The following DGKI variants were observed in gnomAD, a reference collection of about 807,000 sequenced individuals.
The protein encoded by DGKI is DAG kinase iota.
In DGKI, 55 loss-of-function variants were observed where a neutral mutation model predicts 147.5. The observed-to-expected ratio is 0.37, with a 90% CI of 0.30 to 0.47. DGKI has a LOEUF of 0.47. Ranked by LOEUF, DGKI falls within the 20% of genes least tolerant of loss-of-function variation. DGKI has a pLI of 1.00. For synonymous variants in DGKI, 469 were observed against 477.1 expected (o/e 0.98, Z 0.22); for missense variants, 1,007 against 1,323.8 (o/e 0.76, Z 3.71).
chr7:137,587,091 T>G lies in DGKI; in HGVS notation c.1425+6A>C. On this transcript the variant is annotated splice_donor_region_variant and intron_variant, in intron 13 of 32. Transcript: ENST00000614521. ...GATATGGGCAGTCCCCGAGAGCAGT[T>G]CTTACCCCTCCCCAGTTGAGAGTTC... 2 of 1,588,752 alleles carry G rather than the reference T, an allele frequency of 1.3e-6. No individual in the cohort carries two copies. Among genetic ancestry groups the G allele is most frequent in the Non-Finnish European group, 1.7e-6 (2 of 1,170,742 alleles).
At chr7:137,438,938 C>A (rs965742957) in intron 28 of DGKI, among the ~76,000 whole-genome samples, 9 of 152,010 alleles carry the variant, frequency 5.9e-5, no homozygotes, top group Admixed American at 6.6e-5. Context: ...ATCCACGTAT[C>A]CATTCATATG....
At chr7:137,715,495 GAAAGTCTCTTA>G (rs747392523) in intron 1 of DGKI, among the ~76,000 whole-genome samples, 2 of 152,186 alleles carry the variant, frequency 1.3e-5, no homozygotes, top group African/African-American at 4.8e-5. Flanking sequence ...CTCCTATTTT[GAAAGTCTCTTA>G]AAGTCCAGAA....
At chr7:137,682,632 C>T (rs998789984) in intron 2 of DGKI, among the ~76,000 whole-genome samples, 2 of 152,188 alleles carry the variant, frequency 1.3e-5, no homozygotes, top group African/African-American at 4.8e-5. Flanking sequence ...AGACTGCTAG[C>T]CAGTCCTCAA....
chr7:137,570,593 ATTT>A (rs199646642), intron 19 of DGKI, among the ~76,000 whole-genome samples: 4 of 143,290 alleles, frequency 2.8e-5, no homozygotes, highest in African/African-American at 2.5e-5. Flanking sequence ...CTATAGTGTA[ATTT>A]TTTTTTTTTT....
At chr7:137,844,141 C>A (rs889772388) in intron 1 of DGKI, among the ~76,000 whole-genome samples, 4 of 152,180 alleles carry the variant, frequency 2.6e-5, no homozygotes, top group Non-Finnish European at 2.9e-5. Flanking sequence ...AAACAGCCAG[C>A]CCTGCTGCAG....
intron 28 of DGKI, among the ~76,000 whole-genome samples, chr7:137,414,611 A>C (rs1277730174): frequency 6.6e-6 from 1 of 151,914 alleles, no homozygotes; most frequent in Non-Finnish European, 1.5e-5. Flanking sequence ...TGGAGTTTAA[A>C]GTAACTTAAT....
At chr7:137,774,493 C>T (rs1796303606) in intron 1 of DGKI, 1 of 152,078 alleles carries the variant, frequency 6.6e-6, no homozygotes, top group South Asian at 2.1e-4. Flanking sequence ...ATAATAAAGT[C>T]GCATCCGCTA....
chr7:137,687,843 C>G (rs1487261681), intron 2 of DGKI, among the ~76,000 whole-genome samples: 1 of 152,158 alleles, frequency 6.6e-6, no homozygotes, highest in Non-Finnish European at 1.5e-5. Flanking sequence ...TCATGCCATA[C>G]TTTCAACAGA....
intron 19 of DGKI, among the ~76,000 whole-genome samples, chr7:137,562,370 T>C (rs1818445528): frequency 6.6e-6 from 1 of 152,202 alleles, no homozygotes; most frequent in Non-Finnish European, 1.5e-5. Context: ...ACCTCGCCTC[T>C]ACTAAAAATA....
At chr7:137,479,587 C>G (rs1449500574) in intron 23 of DGKI, among the ~76,000 whole-genome samples, 1 of 152,200 alleles carries the variant, frequency 6.6e-6, no homozygotes, top group Non-Finnish European at 1.5e-5. Flanking sequence ...GCAGCCCCAT[C>G]ACACACTAGT....
At chr7:137,708,409 T>C (rs1585394413) in intron 1 of DGKI, among the ~76,000 whole-genome samples, 1 of 152,336 alleles carries the variant, frequency 6.6e-6, no homozygotes, top group Non-Finnish European at 1.5e-5. Context: ...GAGGAATAAT[T>C]TTCTGATCTC....
At chr7:137,544,951 T>C (rs545331004) in intron 20 of DGKI, among the ~76,000 whole-genome samples, 3 of 152,318 alleles carry the variant, frequency 2.0e-5, no homozygotes, top group East Asian at 3.9e-4. Flanking sequence ...GAAGAATTCT[T>C]TGGAAAGGTA....
chr7:137,711,278 C>G (rs752214346), intron 1 of DGKI, among the ~76,000 whole-genome samples: 3 of 152,066 alleles, frequency 2.0e-5, no homozygotes, highest in Non-Finnish European at 4.4e-5. Context: ...CTGGTATATA[C>G]ACACAAGATG....
intron 1 of DGKI, among the ~76,000 whole-genome samples, chr7:137,819,456 G>A (rs944956150): frequency 2.0e-5 from 3 of 151,776 alleles, no homozygotes; most frequent in Non-Finnish European, 2.9e-5. Context: ...GAATACAGGC[G>A]CCCGCCACCA....
chr7:137,498,772 T>C (rs1040292345), intron 21 of DGKI, among the ~76,000 whole-genome samples: 10 of 152,186 alleles, frequency 6.6e-5, no homozygotes, highest in Admixed American at 2.0e-4. Context: ...GAATGAGTGT[T>C]ATATAAAATA....
intron 16 of DGKI, among the ~76,000 whole-genome samples, chr7:137,577,979 T>TG (rs1285599544): frequency 6.6e-6 from 1 of 152,230 alleles, no homozygotes; most frequent in Non-Finnish European, 1.5e-5. Flanking sequence ...CTGGCTTTGA[T>TG]GTTTGTTTCT....
intron 1 of DGKI, among the ~76,000 whole-genome samples, chr7:137,803,370 C>G (rs528895448): frequency 2.0e-5 from 3 of 152,176 alleles, no homozygotes; most frequent in Non-Finnish European, 2.9e-5. Flanking sequence ...TGTTTTCAAA[C>G]AAGAAAGTAA....
chr7:137,778,019 C>CTA (rs1796410576), intron 1 of DGKI, among the ~76,000 whole-genome samples: 1 of 152,186 alleles, frequency 6.6e-6, no homozygotes, highest in Admixed American at 6.5e-5. Context: ...GACATGGACC[C>CTA]TACCAAGGCG....
chr7:137,807,548 C>T (rs184579362), intron 1 of DGKI, among the ~76,000 whole-genome samples: 24 of 152,282 alleles, frequency 1.6e-4, no homozygotes, highest in Admixed American at 1.5e-3. Flanking sequence ...ATCCCTGGGC[C>T]AGCACTTCTC....
Sources: gnomAD v4.1 joint callset for allele counts (sites outside exome capture counted in the v4.1 genomes callset) on GRCh38, gnomAD v4.1.1 for gene constraint, MANE v1.5 for transcripts, NCBI Gene and HGNC (gene_info 2026-07-23, HGNC 2026-07-21) for gene names.